ATP5PF: variants seen among roughly 807,000 people sequenced by gnomAD.
ATP5PF encodes the protein ATP synthase peripheral stalk subunit F6, mitochondrial.
Under a neutral mutation model 12.0 loss-of-function variants are expected in ATP5PF, and 7 were observed. That is an observed-to-expected ratio of 0.58 (90% CI 0.33 to 1.10). ATP5PF has a LOEUF of 1.10. Among genes scored for constraint, ATP5PF ranks in the 50% least tolerant of loss-of-function variants. The pLI is 0.03. For synonymous variants in ATP5PF, 41 were observed against 45.4 expected, an observed-to-expected ratio of 0.90 and a Z score of 0.39; for missense variants, 120 against 127.7, an observed-to-expected ratio of 0.94 and a Z score of 0.29.
At chr21:25,729,260 T>G (rs1457558040) in intron 2 of ATP5PF, among the ~76,000 whole-genome samples, 1 of 152,254 alleles carries the variant, frequency 6.6e-6, no homozygotes, top group Non-Finnish European at 1.5e-5. Flanking sequence ...CCAATTAGTT[T>G]TATGATCTTC....
In ATP5PF at chr21:25,729,635, G is replaced by A. The variant is rs763191934; in HGVS notation, c.160C>T (p.Arg54Ter). ...TGTAGTTATTTATTCACTTACTGTC[G>A]CTTAGATTTGTATTCTCTAATCTTG... ...VDKIREYKSKRQTSGGPVDAS... is the reference protein window; with the variant it reads ...VDKIREYKSK The change falls in exon 2 of 4, where the codon CGA becomes TGA. Residue 54 changes from arginine (R) to a stop codon, truncating the protein, a stop_gained. Coordinates refer to ENST00000284971, the MANE Select transcript of ATP5PF (RefSeq NM_001003703.2). LOFTEE classifies it high-confidence loss of function. 7 of 1,604,194 alleles carry A rather than the reference G, an allele frequency of 4.4e-6. No homozygotes were observed. Among genetic ancestry groups the A allele is most frequent in the East Asian group, 2.2e-5 (1 of 44,790 alleles).
At chr21:25,724,805 T>A (rs562707139) in intron 3 of ATP5PF, 128 bp from the exon 4 acceptor site, 6 of 908,276 alleles carry the variant, frequency 6.6e-6, no homozygotes, top group Non-Finnish European at 8.5e-6. Flanking sequence ...AACATTTACA[T>A]AGAAATATAG....
chr21:25,734,286 G>A (rs980775473), intron 1 of ATP5PF: 1 of 974,794 alleles, frequency 1.0e-6, no homozygotes, highest in Non-Finnish European at 1.2e-6. Context: ...CTGAGCAGAG[G>A]CCTTGTTCTG....
intron 2 of ATP5PF, among the ~76,000 whole-genome samples, chr21:25,729,230 C>A (rs2034693411): frequency 6.6e-6 from 1 of 152,146 alleles, no homozygotes; most frequent in East Asian, 1.9e-4. Context: ...CTAAAATATA[C>A]TTTGATAATA....
At chr21:25,725,400 A>G (rs2034591497) in intron 2 of ATP5PF, 50 bp from the exon 3 acceptor site, 1 of 1,500,024 alleles carries the variant, frequency 6.7e-7, no homozygotes, top group African/African-American at 1.4e-5. Context: ...CTAGCTTACA[A>G]AAACAAAATT....
upstream of ATP5PF, chr21:25,735,260 G>A (rs924763126): frequency 7.8e-6 from 4 of 511,258 alleles, no homozygotes; most frequent in Admixed American, 9.7e-5. Context: ...TAAAGGTGCA[G>A]GGAAAGTGAG....
chr21:25,732,183 TG>T (rs573001045), intron 1 of ATP5PF, among the ~76,000 whole-genome samples: 2 of 152,198 alleles, frequency 1.3e-5, no homozygotes, highest in Non-Finnish European at 2.9e-5. Flanking sequence ...CATTTTTGGT[TG>T]TTCTCACCAA....
upstream of ATP5PF, chr21:25,735,224 C>G (rs565516141): frequency 1.2e-5 from 7 of 586,546 alleles, no homozygotes; most frequent in South Asian, 1.4e-4. Flanking sequence ...AGTCAGCGTC[C>G]TGTTCGTTAG....
intron 1 of ATP5PF, among the ~76,000 whole-genome samples, chr21:25,731,103 G>A (rs1568930528): frequency 1.3e-5 from 2 of 152,048 alleles, no homozygotes; most frequent in South Asian, 2.1e-4. Flanking sequence ...TAAGTCAGGC[G>A]TGCTAGCGCG....
intron 3 of ATP5PF, 57 bp from the exon 4 acceptor site, chr21:25,724,734 T>C (rs1452086438): frequency 3.9e-6 from 6 of 1,530,334 alleles, no homozygotes; most frequent in East Asian, 2.3e-5. Flanking sequence ...AAATGGATTA[T>C]GTAGAATGCT....
intron 2 of ATP5PF, among the ~76,000 whole-genome samples, chr21:25,728,501 T>C (rs1345909037): frequency 6.6e-6 from 1 of 152,202 alleles, no homozygotes; most frequent in Admixed American, 6.5e-5. Context: ...TACTCTCCTC[T>C]TACCCTCATT....
chr21:25,735,012 A>G (rs1417918468), upstream of ATP5PF: 4 of 1,535,294 alleles, frequency 2.6e-6, no homozygotes, highest in African/African-American at 4.1e-5. Flanking sequence ...TCTCGGAGAC[A>G]GTCTGCGACC....
intron 1 of ATP5PF, among the ~76,000 whole-genome samples, chr21:25,730,736 C>CAAAAAAAAAAAAAAAAAAAAAAAAAAA (rs71183508): frequency 3.4e-4 from 11 of 31,894 alleles, no homozygotes; most frequent in Non-Finnish European, 5.6e-4. Flanking sequence ...CTCCGTCTCA[C>CAAAAAAAAAAAAAAAAAAAAAAAAAAA]AAAAAAAAAA....
chr21:25,734,939 C>T (rs2034969223), upstream of ATP5PF: 2 of 1,575,618 alleles, frequency 1.3e-6, no homozygotes, highest in Non-Finnish European at 1.7e-6. Context: ...ACACGCCTAC[C>T]CGCCATCGCA....
At position 25,729,931 on chromosome 21, in the gene ATP5PF, C is replaced by T. The variant is rs544865106; in HGVS notation, c.-7-130G>A. 245 of 1,055,702 alleles carry T rather than the reference C, an allele frequency of 2.3e-4. 1 individual carries two copies. The South Asian group carries it at 4.9e-3, about 21-fold the overall frequency. 65.4% of individuals were successfully genotyped at this position (1,055,702 alleles called of 1,614,324 possible). On this transcript the variant is annotated intron_variant, in intron 1 of 3. Coordinates refer to ENST00000284971, the MANE Select transcript of ATP5PF (RefSeq NM_001003703.2). Reference sequence around the variant, plus strand: ...TATCAGATCTCAGTCTATACCTGACCACAGTTCCCTTCTCCTCCTTATTCC... The same window carrying T: ...TATCAGATCTCAGTCTATACCTGACTACAGTTCCCTTCTCCTCCTTATTCC...
In ATP5PF at chr21:25,729,685, T is replaced by C. The variant is rs536059571; in HGVS notation, c.110A>G (p.Asp37Gly). ...GTCCACAAAGAGTTTCTGTATAGGA[T>C]CAAGTTCCTTATTAAATGCCACTGC... The part of the protein sequence containing the change: ...VTAVAFNKEL[D>G]PIQKLFVDKI... Residue 37 changes from aspartate to glycine, a missense_variant, in exon 2 of 4, where the codon GAT (aspartate) becomes GGT (glycine). Coordinates refer to ENST00000284971, the MANE Select transcript of ATP5PF (RefSeq NM_001003703.2). 1.9e-6 allele frequency: 3 copies of C among 1,613,968 alleles called. No individual in the cohort carries two copies. The African/African-American group carries it at 4.0e-5, about 22-fold the overall frequency.
chr21:25,735,651 C>T (rs1174374257), upstream of ATP5PF: 1 of 152,096 alleles, frequency 6.6e-6, no homozygotes, highest in Non-Finnish European at 1.5e-5. Context: ...CCTTTTCCCC[C>T]ACAAGGGCCC....
At chr21:25,724,818 A>C in intron 3 of ATP5PF, 141 bp from the exon 4 acceptor site, 1 of 837,032 alleles carries the variant, frequency 1.2e-6, no homozygotes, top group Non-Finnish European at 1.9e-6. Context: ...AAATATAGCT[A>C]AACATTTATG....
upstream of ATP5PF, chr21:25,735,041 CAG>C: frequency 7.1e-7 from 1 of 1,408,360 alleles, no homozygotes; most frequent in Non-Finnish European, 9.7e-7. Flanking sequence ...CTAGGTGAGA[CAG>C]AAGCCAAACA....
Sources: gnomAD v4.1 joint callset for allele counts (sites outside exome capture counted in the v4.1 genomes callset) on GRCh38, gnomAD v4.1.1 for gene constraint, MANE v1.5 for transcripts, NCBI Gene and HGNC (gene_info 2026-07-23, HGNC 2026-07-21) for gene names.